HTR7: variants seen among roughly 807,000 people sequenced by gnomAD.
The protein encoded by HTR7 is 5-hydroxytryptamine receptor 7.
A neutral mutation model predicts 34.0 loss-of-function variants in HTR7; 16 were observed. That is an observed-to-expected ratio of 0.47 (90% confidence interval 0.32 to 0.71). The LOEUF is 0.71. HTR7 is among the 30% of genes least tolerant of loss of function. The pLI is 0.04. For synonymous variants in HTR7, 265 were observed against 260.2 expected, an observed-to-expected ratio of 1.02 and a Z score of -0.18; for missense variants, 504 against 625.5, an observed-to-expected ratio of 0.81 and a Z score of 2.07.
intron 1 of HTR7, among the ~76,000 whole-genome samples, chr10:90,851,880 C>A (rs1846506058): frequency 6.6e-6 from 1 of 152,210 alleles, no homozygotes; most frequent in Non-Finnish European, 1.5e-5. Context: ...TTCCCGTGCA[C>A]AAGCTCTCTC....
chr10:90,815,078 T>C (rs2119983612), intron 1 of HTR7, among the ~76,000 whole-genome samples: 1 of 137,068 alleles, frequency 7.3e-6, no homozygotes, highest in African/African-American at 3.0e-5. Flanking sequence ...GTTGGATTTT[T>C]TTTTTGTTTT....
At chr10:90,791,620 C>A (rs1235543785) in intron 1 of HTR7, among the ~76,000 whole-genome samples, 1 of 152,026 alleles carries the variant, frequency 6.6e-6, no homozygotes, top group Non-Finnish European at 1.5e-5. Flanking sequence ...TCATAGCCCC[C>A]AAAATTGCAC....
intron 2 of HTR7, among the ~76,000 whole-genome samples, chr10:90,747,575 G>A (rs1179091903): frequency 6.6e-6 from 1 of 152,230 alleles, no homozygotes; most frequent in Non-Finnish European, 1.5e-5. Context: ...TAAGAAAAAT[G>A]AGTAGCACTG....
Position 90,831,435 on chromosome 10 carries a change from T to C in HTR7, c.539+25698A>G, listed in dbSNP as rs1007024584. Among the ~76,000 whole-genome samples, 3 of 152,002 alleles carry C rather than the reference T, an allele frequency of 2.0e-5. No homozygotes were observed. In the South Asian group the frequency reaches 6.3e-4, roughly 32 times the overall value. On this transcript the variant is annotated intron_variant, in intron 1 of 3. Coordinates refer to ENST00000336152, the MANE Select transcript of HTR7 (RefSeq NM_019859.4). ...CCGGTGGGTTCGTGGTCTCGGTGAC[T>C]TCAGGAGTGAAGCTGCAAATCTTCG...
At position 90,742,280 on chromosome 10, in the gene HTR7, C is replaced by G. The variant is rs1844563787; in HGVS notation, c.*202G>C. The G allele has an allele frequency of 5.8e-5, 28 of 484,144 alleles. No homozygotes were observed. In the South Asian group the frequency reaches 8.1e-4, roughly 14 times the overall value. The allele number at this position is 484,144 out of a possible 1,614,324, so 30.0% of individuals were successfully genotyped here. ...TCTGCTATCTTAAACTGAGAACACACAATAGCACTGATCCACAGAAAAAAG... is the reference window on the plus strand; with the variant it reads ...TCTGCTATCTTAAACTGAGAACACAGAATAGCACTGATCCACAGAAAAAAG... On this transcript the variant is annotated 3_prime_UTR_variant, in exon 4 of 4. Coordinates refer to ENST00000336152, the MANE Select transcript of HTR7 (RefSeq NM_019859.4).
At chr10:90,833,475 A>G (rs1324212456) in intron 1 of HTR7, among the ~76,000 whole-genome samples, 1 of 152,246 alleles carries the variant, frequency 6.6e-6, no homozygotes, top group African/African-American at 2.4e-5. Flanking sequence ...AAGGAGGGTA[A>G]TAGAACGTAC....
At chr10:90,744,121 G>C (rs1844598356) in intron 2 of HTR7, among the ~76,000 whole-genome samples, 1 of 151,852 alleles carries the variant, frequency 6.6e-6, no homozygotes, top group South Asian at 2.1e-4. Context: ...GGGAGGAAAA[G>C]AGCTGGAGAA....
chr10:90,836,346 A>C (rs1036485136), intron 1 of HTR7, among the ~76,000 whole-genome samples: 6 of 152,138 alleles, frequency 3.9e-5, no homozygotes, highest in Non-Finnish European at 8.8e-5. Context: ...ATAACTCCTT[A>C]ATCCCAGAAA....
intron 2 of HTR7, among the ~76,000 whole-genome samples, chr10:90,748,152 T>C (rs941149209): frequency 1.3e-5 from 2 of 152,170 alleles, no homozygotes; most frequent in African/African-American, 4.8e-5. Flanking sequence ...TTTTCTTTTA[T>C]TTTTTAGAGG....
intron 1 of HTR7, among the ~76,000 whole-genome samples, chr10:90,768,686 G>A (rs905099178): frequency 2.6e-5 from 4 of 152,090 alleles, no homozygotes; most frequent in African/African-American, 9.7e-5. Flanking sequence ...TAAATTGTGG[G>A]ACTTTGCCAT....
intron 1 of HTR7, among the ~76,000 whole-genome samples, chr10:90,768,408 G>T (rs929249322): frequency 6.6e-6 from 1 of 152,080 alleles, no homozygotes; most frequent in Non-Finnish European, 1.5e-5. Flanking sequence ...CATATATTGA[G>T]AAACCTTGCT....
At chr10:90,803,391 C>T (rs7090941) in intron 1 of HTR7, among the ~76,000 whole-genome samples, 42,497 of 151,890 alleles carry the variant, frequency 0.28, 6,500 homozygotes, top group African/African-American at 0.41. Flanking sequence ...ATGCACAGTA[C>T]GTTTACTGGA....
At chr10:90,855,424 G>T (rs1402743728) in intron 1 of HTR7, among the ~76,000 whole-genome samples, 1 of 152,086 alleles carries the variant, frequency 6.6e-6, no homozygotes, top group African/African-American at 2.4e-5. Flanking sequence ...ATTAGCACAA[G>T]GTATTATTTA....
At chr10:90,809,364 C>T (rs1269533318) in intron 1 of HTR7, among the ~76,000 whole-genome samples, 2 of 152,174 alleles carry the variant, frequency 1.3e-5, no homozygotes, top group African/African-American at 4.8e-5. Context: ...AAAAATCCAG[C>T]CCAGTTCATG....
intron 1 of HTR7, among the ~76,000 whole-genome samples, chr10:90,841,742 G>A (rs560803192): frequency 6.6e-6 from 1 of 152,294 alleles, no homozygotes; most frequent in Non-Finnish European, 1.5e-5. Context: ...GCTCACACCT[G>A]TAATCTCAGC....
chr10:90,757,666 C>T (rs1324438066), intron 1 of HTR7, among the ~76,000 whole-genome samples: 3 of 152,096 alleles, frequency 2.0e-5, no homozygotes, highest in Non-Finnish European at 2.9e-5. Context: ...GAAAATTCAA[C>T]CACAGTATGT....
At chr10:90,807,843 C>T (rs534339670) in intron 1 of HTR7, among the ~76,000 whole-genome samples, 19 of 152,356 alleles carry the variant, frequency 1.2e-4, no homozygotes, top group African/African-American at 4.6e-4. Flanking sequence ...CTCAGGTCCT[C>T]AGACCCACCA....
chr10:90,784,570 C>T (rs1845353875), intron 1 of HTR7, among the ~76,000 whole-genome samples: 1 of 152,158 alleles, frequency 6.6e-6, no homozygotes, highest in South Asian at 2.1e-4. Context: ...TTTTTAAAAA[C>T]ATTCACCCAA....
chr10:90,813,780 T>C (rs570744017), intron 1 of HTR7, among the ~76,000 whole-genome samples: 1 of 152,068 alleles, frequency 6.6e-6, no homozygotes, highest in Admixed American at 6.6e-5. Flanking sequence ...CCAAACCACA[T>C]GTACAGTAAG....
Sources: allele counts gnomAD v4.1 joint callset (sites outside exome capture counted in the v4.1 genomes callset), GRCh38; gene constraint gnomAD v4.1.1; transcripts MANE v1.5; gene names NCBI Gene and HGNC (gene_info 2026-07-23, HGNC 2026-07-21).